The following CCDC9 variants were observed in gnomAD, a reference collection of about 807,000 sequenced individuals.
CCDC9 encodes coiled-coil domain-containing protein 9.
A neutral mutation model predicts 65.6 loss-of-function variants in CCDC9; 52 were observed. The observed-to-expected ratio is 0.79, with a 90% confidence interval of 0.63 to 1.00. CCDC9 has a LOEUF of 1.00. Among genes scored for constraint, CCDC9 ranks in the 50% least tolerant of loss-of-function variants. CCDC9 has a pLI of 0.00. For synonymous variants in CCDC9, 332 were observed against 280.3 expected (o/e 1.18, Z -1.84); for missense variants, 834 against 757.2 (o/e 1.10, Z -1.19).
At chr19:47,263,620 C>T (rs936626739) in intron 5 of CCDC9, among the ~76,000 whole-genome samples, 1 of 152,120 alleles carries the variant, frequency 6.6e-6, no homozygotes, top group African/African-American at 2.4e-5. Context: ...GGCTGGAGTG[C>T]AGTGGTATGA....
At position 47,271,463 on chromosome 19, in the gene CCDC9, C is replaced by A. The variant is rs776567296; in HGVS notation, c.1381C>A (p.Pro461Thr). Reference sequence around the variant, plus strand: ...CCCAGAGGCTGCCCCCACCGGGATCCCCTGCAGTGAGCAGGCCCACGGAGT... The same window carrying A: ...CCCAGAGGCTGCCCCCACCGGGATCACCTGCAGTGAGCAGGCCCACGGAGT... ...QAPEAAPTGI[P>T]CSEQAHGVPF... Residue 461 changes from proline (P) to threonine (T), a missense_variant, in exon 12 of 12, where the codon CCC becomes ACC. By Grantham distance (38) the Pro-to-Thr change is conservative. Coordinates refer to ENST00000221922, the MANE Select transcript of CCDC9 (RefSeq NM_015603.3). 6.2e-6 allele frequency: 10 copies of A among 1,613,538 alleles called. No individual in the cohort carries two copies. In the East Asian group the frequency reaches 2.0e-4, roughly 32 times the overall value.
intron 5 of CCDC9, among the ~76,000 whole-genome samples, chr19:47,264,214 C>T (rs190489306): frequency 1.9e-4 from 29 of 152,292 alleles, no homozygotes; most frequent in Non-Finnish European, 3.5e-4. Context: ...CAGGGTCTTG[C>T]TATGTTGCCT....
Position 47,264,791 on chromosome 19 carries a change from A to G in CCDC9, c.565A>G (p.Asn189Asp). 1 of 1,596,838 alleles carries G rather than the reference A, an allele frequency of 6.3e-7. No individual in the cohort carries two copies. The highest frequency in any genetic ancestry group is 8.5e-7 in the Non-Finnish European group (1 of 1,169,912). Residue 189 changes from asparagine (N) to aspartate (D), a missense_variant, in exon 7 of 12, where the codon AAC (asparagine) becomes GAC (aspartate). By Grantham distance (23) the Asn-to-Asp change is conservative. Transcript: ENST00000221922. Reference protein sequence around the residue: ...RNQREGVLEPNPVRNFLDDPR... With the variant: ...RNQREGVLEPDPVRNFLDDPR... ...CCTGCAGGAAGGGGTTCTTGAACCC[A>G]ACCCAGTGCGGAACTTCCTGGACGA...
intron 1 of CCDC9, among the ~76,000 whole-genome samples, chr19:47,257,210 A>T (rs891403141): frequency 6.9e-4 from 98 of 142,608 alleles, no homozygotes; most frequent in African/African-American, 2.4e-3. Flanking sequence ...TGACGCAACG[A>T]GGTGTGGGAG....
chr19:47,274,721 T>C, downstream of CCDC9: 1 of 193,832 alleles, frequency 5.2e-6, no homozygotes, highest in Non-Finnish European at 8.4e-6. Flanking sequence ...CACCTCCGCC[T>C]GTCGGTGGTG....
intron 5 of CCDC9, 107 bp from the exon 6 acceptor site, chr19:47,264,496 G>T: frequency 9.6e-7 from 1 of 1,036,510 alleles, no homozygotes; most frequent in Non-Finnish European, 1.5e-6. Context: ...GATGCCAGCA[G>T]GCCAGTCCGA....
chr19:47,271,141 C>G lies in CCDC9; in HGVS notation c.1145C>G (p.Pro382Arg). 5 of 1,587,418 alleles carry G rather than the reference C, an allele frequency of 3.1e-6. No individual in the cohort carries two copies. The highest frequency in any genetic ancestry group is 3.4e-6 in the Non-Finnish European group (4 of 1,168,606). Residue 382 changes from proline (P) to arginine (R), a missense_variant, in exon 11 of 12, where the codon CCA (proline) becomes CGA (arginine). Transcript: ENST00000221922. ...EGAASPAPET[P>R]QPTSPETSPK... ...GCAGCATCCCCAGCCCCTGAGACTC[C>G]ACAGCCTACTTCCCCCGAGACTTCC... is the stretch of plus-strand genomic sequence containing the variant.
intron 3 of CCDC9, among the ~76,000 whole-genome samples, chr19:47,259,326 G>A (rs2059030340): frequency 6.6e-6 from 1 of 152,150 alleles, no homozygotes; most frequent in Non-Finnish European, 1.5e-5. Flanking sequence ...GGGAGCCAGG[G>A]AGAGCCTTGA....
downstream of CCDC9, among the ~76,000 whole-genome samples, chr19:47,274,220 G>GGCTGAGAGTGT (rs1257259447): frequency 6.6e-6 from 1 of 152,164 alleles, no homozygotes; most frequent in Non-Finnish European, 1.5e-5. Flanking sequence ...CCTGAAAGCG[G>GGCTGAGAGTGT]GCTGAGAGTG....
rs769904342 is a variant in CCDC9 at position 47,270,665 on chromosome 19, C to T, written c.1062C>T (p.Ala354=). Residue 354 remains alanine, a synonymous_variant, in exon 10 of 12, where the codon GCC becomes GCT. Coordinates refer to ENST00000221922, the MANE Select transcript of CCDC9 (RefSeq NM_015603.3). ...GGAGAAAGAGCAGTCGGCCCCAGGC[C>T]AAGGCAGCGCCCAGGGCCTACAGGT... ...RRRRKSSRPQ[A]KAAPRAYSDH... 2 of 1,611,790 alleles carry T rather than the reference C, an allele frequency of 1.2e-6. No individual in the cohort carries two copies. The highest frequency in any genetic ancestry group is 1.7e-6 in the Non-Finnish European group (2 of 1,179,888).
rs754492784 is a variant in CCDC9, at chr19:47,260,391, C to T, written c.179C>T (p.Ser60Leu). The change falls in exon 4 of 12, where the codon TCA becomes TTA. Residue 60 changes from serine to leucine, a missense_variant. Physicochemically the swap from Ser to Leu is moderately radical, Grantham distance 145. Transcript: ENST00000221922. The stretch of plus-strand genomic sequence containing the variant: ...GTCACAGCTCCCCGAAAGGGCCGCT[C>T]AGTGGAGAAGGAGAACGTGGCAGTG... The part of the protein sequence containing the change: ...VAVTAPRKGR[S>L]VEKENVAVES... The T allele has an allele frequency of 5.1e-5, 82 of 1,606,890 alleles. 2 individuals are homozygous for T. The South Asian group carries it at 8.4e-4, about 16-fold the overall frequency.
rs373431331 is a variant in CCDC9 at position 47,266,807 on chromosome 19, C to T, written c.902+15C>T. ...ACCGATGGGATGTGAGTCTCCTCCC[C>T]GCTCCTCTCCCCATGTGGCACGTTG... On this transcript the variant is annotated intron_variant, in intron 8 of 11. Transcript: ENST00000221922. The T allele has an allele frequency of 1.1e-4, 169 of 1,594,994 alleles. No individual in the cohort carries two copies. The highest frequency in any genetic ancestry group is 5.2e-4 in the East Asian group (23 of 43,914).
At position 47,271,728 on chromosome 19, in the gene CCDC9, T is replaced by TGC. The variant is rs2059123178; in HGVS notation, c.*51_*52insCG. The TGC allele has an allele frequency of 6.9e-5, 63 of 914,140 alleles. No individual in the cohort carries two copies. The African/African-American group carries it at 1.6e-3, about 24-fold the overall frequency. The allele number at this position is 914,140 out of a possible 1,614,324, so 56.6% of individuals were successfully genotyped here. Reference sequence around the variant, plus strand: ...GTGTGTGTGTGTGTGTGTGTGTGTGTGTGTGCGCGCGCGCGCGCGCGCGCG... The same window carrying TGC: ...GTGTGTGTGTGTGTGTGTGTGTGTGTGCGTGTGCGCGCGCGCGCGCGCGCGCG... On this transcript the variant is annotated 3_prime_UTR_variant, in exon 12 of 12. Transcript: ENST00000221922.
At chr19:47,272,196 C>A, downstream of CCDC9, 4 of 1,213,756 alleles carry the variant, frequency 3.3e-6, no homozygotes, top group Non-Finnish European at 4.1e-6. Flanking sequence ...ATGGAGGCCG[C>A]TGCTTCCTCT....
In CCDC9 at chr19:47,270,654, C is replaced by A; in HGVS notation, c.1051C>A (p.Arg351=). 2 of 1,612,278 alleles carry A rather than the reference C, an allele frequency of 1.2e-6. No individual in the cohort carries two copies. The highest frequency in any genetic ancestry group is 1.7e-6 in the Non-Finnish European group (2 of 1,179,958). ...ASSRRRRKSS[R]PQAKAAPRAY... ...CAGCCGCAGAAGGAGAAAGAGCAGT[C>A]GGCCCCAGGCCAAGGCAGCGCCCAG... Residue 351 remains arginine, a synonymous_variant, in exon 10 of 12, where the codon CGG becomes AGG. Transcript: ENST00000221922.
chr19:47,272,217 C>T, downstream of CCDC9: 4 of 1,152,994 alleles, frequency 3.5e-6, no homozygotes, highest in Non-Finnish European at 4.4e-6. Context: ...TTCTCTGGGG[C>T]TGAGGGGCAG....
chr19:47,263,766 A>G (rs988121491), intron 5 of CCDC9, among the ~76,000 whole-genome samples: 2 of 151,316 alleles, frequency 1.3e-5, no homozygotes, highest in African/African-American at 4.9e-5. Flanking sequence ...GGGTTTCACC[A>G]TGTTGGCCAG....
At chr19:47,275,111 C>T (rs747167523), downstream of CCDC9, 3 of 1,493,300 alleles carry the variant, frequency 2.0e-6, no homozygotes, top group African/African-American at 1.5e-5. Context: ...CCGCGGCACC[C>T]GCCGGCCCAC....
chr19:47,264,351 G>A (rs1277684045), intron 5 of CCDC9, among the ~76,000 whole-genome samples: 1 of 152,194 alleles, frequency 6.6e-6, no homozygotes, highest in Admixed American at 6.5e-5. Context: ...CTTCTGTCTA[G>A]TATGTACTGA....
Sources: gnomAD v4.1 joint callset for allele counts (sites outside exome capture counted in the v4.1 genomes callset) on GRCh38, gnomAD v4.1.1 for gene constraint, MANE v1.5 for transcripts, NCBI Gene and HGNC (gene_info 2026-07-23, HGNC 2026-07-21) for gene names.